Variants in RBM20 observed in about 807,000 individuals in gnomAD.
RBM20 encodes the protein RNA binding motif protein 20, also known as RNA-binding protein 20.
Under a neutral mutation model 110.1 loss-of-function variants are expected in RBM20, and 51 were observed. The observed-to-expected ratio is 0.46, with a 90% confidence interval of 0.37 to 0.59. The LOEUF is 0.59. RBM20 is among the 20% of genes least tolerant of loss of function. RBM20 has a pLI of 0.00. For synonymous variants in RBM20, 589 were observed against 618.2 expected (o/e 0.95, Z 0.70); for missense variants, 1,512 against 1,574.9 (o/e 0.96, Z 0.68).
At chr10:110,831,332 C>A in intron 13 of RBM20, 150 bp downstream of exon 13, 1 of 708,946 alleles carries the variant, frequency 1.4e-6, no homozygotes, top group Non-Finnish European at 2.2e-6. Context: ...TGCCATTCCC[C>A]AAGCACACCA....
chr10:110,751,228 T>C (rs1843849631), intron 1 of RBM20, among the ~76,000 whole-genome samples: 1 of 152,214 alleles, frequency 6.6e-6, no homozygotes, highest in African/African-American at 2.4e-5. Context: ...GTCTGGGTGC[T>C]AGATGACAAG....
chr10:110,682,111 C>G (rs550495635), intron 1 of RBM20, among the ~76,000 whole-genome samples: 1 of 152,078 alleles, frequency 6.6e-6, no homozygotes, highest in Non-Finnish European at 1.5e-5. Context: ...AGGCTGATCT[C>G]GAACTCCTGA....
intron 1 of RBM20, among the ~76,000 whole-genome samples, chr10:110,695,319 G>C (rs1862646780): frequency 1.3e-5 from 2 of 152,204 alleles, no homozygotes; most frequent in African/African-American, 4.8e-5. Flanking sequence ...ATGCTGCCCA[G>C]GCATTCCATA....
At chr10:110,831,721 C>G (rs1845058927) in intron 13 of RBM20, among the ~76,000 whole-genome samples, 1 of 148,510 alleles carries the variant, frequency 6.7e-6, no homozygotes, top group African/African-American at 2.5e-5. Context: ...ACTGTTCATC[C>G]ATACAGCAAA....
intron 1 of RBM20, among the ~76,000 whole-genome samples, chr10:110,714,263 G>T (rs1310430434): frequency 6.6e-6 from 1 of 152,190 alleles, no homozygotes; most frequent in Non-Finnish European, 1.5e-5. Flanking sequence ...TGGGTAGCTA[G>T]AAATGTAACC....
At chr10:110,767,261 G>A (rs1353632073) in intron 1 of RBM20, among the ~76,000 whole-genome samples, 2 of 131,274 alleles carry the variant, frequency 1.5e-5, no homozygotes, top group Non-Finnish European at 3.3e-5. Context: ...CCGGGCAGAG[G>A]GGCTCCTCAC....
rs914671795 is a variant in RBM20 at position 110,820,259 on chromosome 10, G to A, written c.2655+83G>A. The A allele has an allele frequency of 3.3e-6, 3 of 897,992 alleles. No individual in the cohort carries two copies. The South Asian group carries it at 4.5e-5, about 13-fold the overall frequency. 55.6% of individuals were successfully genotyped at this position (897,992 alleles called of 1,614,324 possible). A position where few individuals can be genotyped will look rare whatever the true frequency, so the allele number is the denominator to read the frequency against. ...CCCTTTTGCCTGGTGATGTCCTGCT[G>A]GATGGAATATGGCTGAGACCCCACC... On this transcript the variant is annotated intron_variant, in intron 10 of 13. Transcript: ENST00000369519.
chr10:110,797,726 A>G, intron 6 of RBM20, 78 bp downstream of exon 6: 1 of 1,447,472 alleles, frequency 6.9e-7, no homozygotes, highest in Non-Finnish European at 9.4e-7. Context: ...AATTTTTGAA[A>G]GAAGCCATTC....
chr10:110,737,756 G>A (rs535674156), intron 1 of RBM20, among the ~76,000 whole-genome samples: 18 of 152,198 alleles, frequency 1.2e-4, no homozygotes, highest in African/African-American at 3.1e-4. Context: ...TAGTGTTCGC[G>A]GCTGTGTAGT....
rs12572941 is a variant in RBM20 at position 110,810,372 on chromosome 10, G to A, written c.1801-11G>A. 1.9e-6 allele frequency: 3 copies of A among 1,549,786 alleles called. No homozygotes were observed. The Admixed American group carries it at 5.9e-5, about 30-fold the overall frequency. On this transcript the variant is annotated splice_polypyrimidine_tract_variant and intron_variant, in intron 7 of 13. Coordinates refer to ENST00000369519, the MANE Select transcript of RBM20 (RefSeq NM_001134363.3). Reference sequence around the variant, plus strand: ...TCTCTGATCTGATGGTGATCTCTCTGACTTTGCTAGAAACCCGGGAAGGCC... The same window carrying A: ...TCTCTGATCTGATGGTGATCTCTCTAACTTTGCTAGAAACCCGGGAAGGCC...
rs1315060484 is a variant in RBM20 at position 110,781,177 on chromosome 10, C to A, written c.568C>A (p.Pro190Thr). The A allele has an allele frequency of 6.4e-7, 1 of 1,551,732 alleles. No individual in the cohort carries two copies. The highest frequency in any genetic ancestry group is 1.2e-5 in the South Asian group (1 of 84,070). ...PGPSMNLPNQ[P>T]PSAMVMHPFT... ...ACCCTCCATGAACCTTCCCAACCAG[C>A]CACCCAGTGCCATGGTGATGCATCC... Residue 190 changes from proline (P) to threonine (T), a missense_variant, in exon 2 of 14, where the codon CCA (proline) becomes ACA (threonine). This residue lies in a region of RBM20 where 1,149 missense variants were observed against 1,169.4 expected (regional missense o/e 0.98). Coordinates refer to ENST00000369519, the MANE Select transcript of RBM20 (RefSeq NM_001134363.3).
intron 1 of RBM20, among the ~76,000 whole-genome samples, chr10:110,680,844 C>T (rs1045054839): frequency 1.3e-5 from 2 of 152,192 alleles, no homozygotes; most frequent in Non-Finnish European, 2.9e-5. Context: ...GGGACAGCTG[C>T]ACCTCCATAT....
intron 12 of RBM20, among the ~76,000 whole-genome samples, chr10:110,826,111 C>T (rs1564666327): frequency 1.3e-5 from 2 of 152,152 alleles, no homozygotes; most frequent in East Asian, 3.8e-4. Context: ...AATTGCACTC[C>T]AAAAAGATGG....
Position 110,799,896 on chromosome 10 carries a change from G to A in RBM20, c.1778G>A (p.Arg593Lys). 6.4e-7 allele frequency: 1 copy of A among 1,552,068 alleles called. No individual in the cohort carries two copies. Among genetic ancestry groups the A allele is most frequent in the Non-Finnish European group, 8.7e-7 (1 of 1,147,034 alleles). Residue 593 changes from arginine (R) to lysine (K), a missense_variant, in exon 7 of 14, where the codon AGA becomes AAA. Coordinates refer to ENST00000369519, the MANE Select transcript of RBM20 (RefSeq NM_001134363.3). The stretch of plus-strand genomic sequence containing the variant: ...AAGTTGCTCATTCGGATGTCCAAGA[G>A]ATACAAGGAATTGCAGCTCAAGGTA... The part of the protein sequence containing the change: ...GEKLLIRMSK[R>K]YKELQLKKPG...
chr10:110,767,134 C>T lies in RBM20; in HGVS notation c.192-13667C>T, dbSNP rs1265314386. ...GCGGCTGACCCCCCCCACCTCCCTCCCGGATGGGGTGGCTGGCCGGGCGGG... is the reference window on the plus strand; with the variant it reads ...GCGGCTGACCCCCCCCACCTCCCTCTCGGATGGGGTGGCTGGCCGGGCGGG... On this transcript the variant is annotated intron_variant, in intron 1 of 13. Transcript: ENST00000369519. Among the ~76,000 whole-genome samples the T allele has an allele frequency of 1.3e-4, 17 of 127,676 alleles. 1 individual carries two copies. Among genetic ancestry groups the T allele is most frequent in the Middle Eastern group, 3.4e-3 (1 of 298 alleles). 83.8% of individuals were successfully genotyped at this position (127,676 alleles called of 152,430 possible).
intron 1 of RBM20, among the ~76,000 whole-genome samples, chr10:110,667,744 A>T (rs1221742251): frequency 6.6e-6 from 1 of 152,096 alleles, no homozygotes; most frequent in South Asian, 2.1e-4. Flanking sequence ...TGTTTGAGTC[A>T]TTTGATCACC....
At chr10:110,666,804 G>T (rs1016973086) in intron 1 of RBM20, among the ~76,000 whole-genome samples, 2 of 152,136 alleles carry the variant, frequency 1.3e-5, no homozygotes, top group African/African-American at 4.8e-5. Context: ...TTTAGATTGA[G>T]GATTATAGGG....
chr10:110,715,467 G>T (rs764854701), intron 1 of RBM20, among the ~76,000 whole-genome samples: 74 of 152,182 alleles, frequency 4.9e-4, no homozygotes, highest in Non-Finnish European at 2.5e-4. Context: ...GCCATCAAAT[G>T]TCAGTTTTCC....
At chr10:110,832,665 G>A (rs772963476) in intron 13 of RBM20, among the ~76,000 whole-genome samples, 29 of 152,126 alleles carry the variant, frequency 1.9e-4, no homozygotes, top group Non-Finnish European at 3.2e-4. Flanking sequence ...GGATCAAATC[G>A]CCTGATTCTG....
Sources: allele counts gnomAD v4.1 joint callset (sites outside exome capture counted in the v4.1 genomes callset), GRCh38; gene constraint gnomAD v4.1.1; regional missense constraint gnomAD v4.1.1; transcripts MANE v1.5; gene names NCBI Gene and HGNC (gene_info 2026-07-23, HGNC 2026-07-21).